TMEM63C: variants seen among roughly 807,000 people sequenced by gnomAD.
TMEM63C encodes the protein transmembrane protein 63C, also known as osmosensitive cation channel TMEM63C.
Under a neutral mutation model 99.2 loss-of-function variants are expected in TMEM63C, and 32 were observed. The ratio of observed to expected loss-of-function variants is 0.32; its 90% CI spans 0.24 to 0.43. The LOEUF (loss-of-function observed/expected upper bound fraction) is 0.43, where lower values mean the gene tolerates loss of function less well. TMEM63C is among the 20% of genes least tolerant of loss of function. The pLI is 1.00. For missense variants in TMEM63C, 826 were observed against 1,053.0 expected, an observed-to-expected ratio of 0.78 and a Z score of 2.98; for synonymous variants, 376 against 397.9, an observed-to-expected ratio of 0.94 and a Z score of 0.66.
chr14:77,211,629 C>T (rs1888499090), intron 1 of TMEM63C, among the ~76,000 whole-genome samples: 1 of 152,152 alleles, frequency 6.6e-6, no homozygotes, highest in South Asian at 2.1e-4. Context: ...TGGATAAAAC[C>T]AGGCTAGGTC....
chr14:77,234,410 G>A (rs1015195316), intron 8 of TMEM63C, among the ~76,000 whole-genome samples: 2 of 152,202 alleles, frequency 1.3e-5, no homozygotes, highest in African/African-American at 4.8e-5. Context: ...AGGGATATCG[G>A]CTCCTTCCCG....
intron 13 of TMEM63C, 116 bp from the exon 14 acceptor site, chr14:77,242,224 GAAGGGGA>G: frequency 9.2e-7 from 1 of 1,082,418 alleles, no homozygotes. Context: ...GAATCCCCAG[GAAGGGGA>G]TGAGCCCCCA....
chr14:77,221,466 C>T (rs1236895463), intron 5 of TMEM63C, among the ~76,000 whole-genome samples: 9 of 64,458 alleles, frequency 1.4e-4, no homozygotes, highest in Non-Finnish European at 1.8e-4. Flanking sequence ...TCCCCTCCCA[C>T]TCACGCCTCC....
At chr14:77,238,657 A>G in intron 9 of TMEM63C, 37 bp from the exon 10 acceptor site, 1 of 1,548,482 alleles carries the variant, frequency 6.5e-7, no homozygotes, top group South Asian at 1.1e-5. Context: ...CTATGCAAGC[A>G]CAGTCTTCTT....
intron 8 of TMEM63C, 134 bp from the exon 9 acceptor site, chr14:77,236,490 G>A: frequency 1.7e-6 from 1 of 595,044 alleles, no homozygotes; most frequent in Admixed American, 2.5e-5. Context: ...GGATGGTTGT[G>A]GGGGTCTGAG....
At chr14:77,250,430 C>CTTTTTTTT (rs796757847) in intron 21 of TMEM63C, among the ~76,000 whole-genome samples, 1 of 140,894 alleles carries the variant, frequency 7.1e-6, no homozygotes, top group African/African-American at 2.6e-5. Context: ...TGTTTTCTTT[C>CTTTTTTTT]TTTTTTTTTT....
chr14:77,192,234 C>T (rs1421161925), intron 1 of TMEM63C, among the ~76,000 whole-genome samples: 4 of 152,222 alleles, frequency 2.6e-5, no homozygotes, highest in African/African-American at 7.2e-5. Flanking sequence ...CATCTTTCTA[C>T]ACCCTTTACC....
intron 13 of TMEM63C, 58 bp downstream of exon 13, chr14:77,240,666 C>G (rs1441085029): frequency 6.4e-7 from 1 of 1,574,398 alleles, no homozygotes; most frequent in African/African-American, 1.3e-5. Context: ...TCTCGGCACT[C>G]TCCTCCCTCT....
intron 5 of TMEM63C, among the ~76,000 whole-genome samples, chr14:77,223,166 G>A (rs1888756391): frequency 6.6e-6 from 1 of 152,046 alleles, no homozygotes; most frequent in African/African-American, 2.4e-5. Context: ...ACCTTGCAAG[G>A]TGGCTCGCAG....
At chr14:77,184,405 G>C (rs2140085104) in intron 1 of TMEM63C, among the ~76,000 whole-genome samples, 1 of 152,216 alleles carries the variant, frequency 6.6e-6, no homozygotes, top group Non-Finnish European at 1.5e-5. Context: ...CTTCCTACAG[G>C]CCTGTACCCT....
intron 1 of TMEM63C, among the ~76,000 whole-genome samples, chr14:77,202,467 A>G (rs1031882598): frequency 6.6e-6 from 1 of 152,164 alleles, no homozygotes; most frequent in Non-Finnish European, 1.5e-5. Context: ...GAAGTCTGAA[A>G]TCAAGGTGTC....
At chr14:77,245,401 G>A (rs1889252450) in intron 16 of TMEM63C, among the ~76,000 whole-genome samples, 1 of 152,174 alleles carries the variant, frequency 6.6e-6, no homozygotes, top group African/African-American at 2.4e-5. Flanking sequence ...CTCTGCGTAT[G>A]TCTGTATTAG....
chr14:77,202,160 A>G (rs1272864862), intron 1 of TMEM63C, among the ~76,000 whole-genome samples: 1 of 152,262 alleles, frequency 6.6e-6, no homozygotes, highest in African/African-American at 2.4e-5. Flanking sequence ...ACAAGTGTAT[A>G]CAACTCAACA....
At chr14:77,225,040 C>T (rs1428743105) in intron 5 of TMEM63C, among the ~76,000 whole-genome samples, 3 of 152,190 alleles carry the variant, frequency 2.0e-5, no homozygotes, top group Admixed American at 6.5e-5. Flanking sequence ...GAGGCAAACT[C>T]CCACTCGGAC....
Position 77,243,177 on chromosome 14 carries a change from T to C in TMEM63C, c.1341+121T>C, listed in dbSNP as rs927710141. ...TGTGGAGCCCATACAGTGCGAACAT[T>C]GTGGAGGTGGCCATGGTGCAAATGG... On this transcript the variant is annotated intron_variant, in intron 15 of 23. Transcript: ENST00000298351. 1.2e-4 allele frequency: 145 copies of C among 1,205,042 alleles called. 1 individual carries two copies. The highest frequency in any genetic ancestry group is 1.6e-4 in the Non-Finnish European group (141 of 877,536). The allele number at this position is 1,205,042 out of a possible 1,614,324, so 74.6% of individuals were successfully genotyped here.
At chr14:77,193,549 T>C (rs1278435805) in intron 1 of TMEM63C, among the ~76,000 whole-genome samples, 1 of 151,702 alleles carries the variant, frequency 6.6e-6, no homozygotes, top group African/African-American at 2.4e-5. Context: ...TAAAAAAAAA[T>C]TTAGGCCTGG....
chr14:77,228,837 T>G lies in TMEM63C; in HGVS notation c.351-2751T>G, dbSNP rs540210363. 1.0e-3 allele frequency among the ~76,000 whole-genome samples: 159 copies of G among 152,112 alleles called. 1 individual carries two copies. Among genetic ancestry groups the G allele is most frequent in the African/African-American group, 3.7e-3 (155 of 41,518 alleles). On this transcript the variant is annotated intron_variant, in intron 6 of 23. Coordinates refer to ENST00000298351, the MANE Select transcript of TMEM63C (RefSeq NM_020431.4). ...CAGGCATAAGCCACTGCACCCGGCC[T>G]TAAAAATAAATCTGAATCCCAGACT... is the stretch of plus-strand genomic sequence containing the variant.
chr14:77,253,678 G>C (rs534211807), intron 23 of TMEM63C, among the ~76,000 whole-genome samples: 1 of 152,364 alleles, frequency 6.6e-6, no homozygotes, highest in African/African-American at 2.4e-5. Context: ...CGGTCATGTA[G>C]ACGCAGGGGG....
At chr14:77,229,613 A>AATATATGTATAT (rs1555348253) in intron 6 of TMEM63C, among the ~76,000 whole-genome samples, 9 of 117,936 alleles carry the variant, frequency 7.6e-5, no homozygotes, top group African/African-American at 2.6e-4. Context: ...ACACCCAGCT[A>AATATATGTATAT]ATATATATAT....
Sources: gnomAD v4.1 joint callset for allele counts (sites outside exome capture counted in the v4.1 genomes callset) on GRCh38, gnomAD v4.1.1 for gene constraint, MANE v1.5 for transcripts, NCBI Gene and HGNC (gene_info 2026-07-23, HGNC 2026-07-21) for gene names.